CSMD3: variants seen among roughly 807,000 people sequenced by gnomAD.
CSMD3 encodes the protein CUB and sushi domain-containing protein 3.
CSMD3 carries 177 observed loss-of-function variants against 435.2 expected under a neutral mutation model. The observed-to-expected ratio is 0.41, with a 90% CI of 0.36 to 0.46. CSMD3 has a LOEUF of 0.46. CSMD3 is among the 20% of genes least tolerant of loss of function. CSMD3 has a pLI of 0.34. For missense variants in CSMD3, 4,265 were observed against 4,504.6 expected (o/e 0.95, Z 1.52); for synonymous variants, 1,656 against 1,520.5 (o/e 1.09, Z -2.07).
Position 113,173,902 on chromosome 8 carries a change from A to G in CSMD3, c.529T>C (p.Ser177Pro). The part of the protein sequence containing the change: ...KVYYEELQSS[S>P]CGNPGVPPKG... ...GGTGGAACACCAGGATTTCCACAAG[A>G]GCTACTCTGCAATTCTATTAAAAAG... The change falls in exon 4 of 71, where the codon TCT becomes CCT. Residue 177 changes from serine (S) to proline (P), a missense_variant. Ser to Pro is a moderately conservative substitution (Grantham distance 74, BLOSUM62 -1). Around this residue, in one of 3 missense-constraint regions of CSMD3, gnomAD observed 731 missense variants for 755.4 expected, o/e 0.97. Coordinates refer to ENST00000297405, the MANE Select transcript of CSMD3 (RefSeq NM_198123.2). 1 of 1,613,094 alleles carries G rather than the reference A, an allele frequency of 6.2e-7. No homozygotes were observed. Among genetic ancestry groups the G allele is most frequent in the Non-Finnish European group, 8.5e-7 (1 of 1,179,160 alleles).
At chr8:113,042,252 G>T (rs888301169) in intron 5 of CSMD3, among the ~76,000 whole-genome samples, 6 of 152,056 alleles carry the variant, frequency 3.9e-5, no homozygotes, top group Non-Finnish European at 8.8e-5. Flanking sequence ...TAACAGCAGC[G>T]ATCATGGTTA....
intron 6 of CSMD3, among the ~76,000 whole-genome samples, chr8:113,015,260 A>G (rs2086411667): frequency 6.6e-6 from 1 of 152,110 alleles, no homozygotes; most frequent in Non-Finnish European, 1.5e-5. Context: ...TTTTCTTTCA[A>G]TAGAAGATGC....
chr8:112,460,027 T>G (rs761511943), intron 32 of CSMD3, among the ~76,000 whole-genome samples: 21 of 152,142 alleles, frequency 1.4e-4, no homozygotes, highest in Non-Finnish European at 2.5e-4. Context: ...GCCACCAGCC[T>G]GCCTTAGCTG....
intron 31 of CSMD3, among the ~76,000 whole-genome samples, chr8:112,488,133 A>T (rs940786757): frequency 1.3e-5 from 2 of 152,306 alleles, no homozygotes; most frequent in Non-Finnish European, 1.5e-5. Context: ...TACTTCTGAC[A>T]AATATAATCT....
chr8:112,353,585 G>C (rs1826329292), intron 38 of CSMD3, among the ~76,000 whole-genome samples: 1 of 152,038 alleles, frequency 6.6e-6, no homozygotes, highest in African/African-American at 2.4e-5. Context: ...AACCTCCCAA[G>C]ATAGAATTTT....
intron 12 of CSMD3, among the ~76,000 whole-genome samples, chr8:112,812,870 T>C: frequency 6.6e-6 from 1 of 152,216 alleles, no homozygotes; most frequent in Non-Finnish European, 1.5e-5. Flanking sequence ...AAAATATTTT[T>C]CAAGAATTGA....
In CSMD3 at chr8:112,224,178, G is replaced by A. The variant is rs766664318; in HGVS notation, c.*593C>T. 7 of 155,562 alleles carry A rather than the reference G, an allele frequency of 4.5e-5. No individual in the cohort carries two copies. Among genetic ancestry groups the A allele is most frequent in the African/African-American group, 1.4e-4 (6 of 41,436 alleles). 9.6% of individuals were successfully genotyped at this position (155,562 alleles called of 1,614,324 possible). On this transcript the variant is annotated 3_prime_UTR_variant, in exon 71 of 71. Coordinates refer to ENST00000297405, the MANE Select transcript of CSMD3 (RefSeq NM_198123.2). ...CAATATGATGCTAAAGAAATAGAAAGATTCAAATTGGAATGGGAAACCTTA... is the reference window on the plus strand; with the variant it reads ...CAATATGATGCTAAAGAAATAGAAAAATTCAAATTGGAATGGGAAACCTTA...
intron 10 of CSMD3, among the ~76,000 whole-genome samples, chr8:112,875,597 A>G (rs2081260113): frequency 6.6e-6 from 1 of 152,002 alleles, no homozygotes; most frequent in Non-Finnish European, 1.5e-5. Flanking sequence ...TCCCATATTT[A>G]TTGGAGGCTT....
At chr8:112,621,728 A>G (rs1429259586) in intron 22 of CSMD3, among the ~76,000 whole-genome samples, 1 of 151,986 alleles carries the variant, frequency 6.6e-6, no homozygotes, top group Non-Finnish European at 1.5e-5. Flanking sequence ...TGGCTCTTTT[A>G]TATCTCCCAG....
rs200714549 is a variant in CSMD3, at chr8:112,698,142, TATATGTGAAGAAGGTTGAGA to T, written c.1973-8112_1973-8093del. Reference sequence around the variant, plus strand: ...CAGCCGGTAAGGTTGGGAGGTTAAGTATATGTGAAGAAGGTTGAGAATCAGAAATATTGAAGATAAGGGCA... The same window carrying T: ...CAGCCGGTAAGGTTGGGAGGTTAAGTATCAGAAATATTGAAGATAAGGGCA... On this transcript the variant is annotated intron_variant, in intron 13 of 70. Coordinates refer to ENST00000297405, the MANE Select transcript of CSMD3 (RefSeq NM_198123.2). Among the ~76,000 whole-genome samples the T allele has an allele frequency of 3.9e-3, 599 of 151,976 alleles. 14 individuals carry two copies. In the East Asian group the frequency reaches 0.074, roughly 19 times the overall value.
At chr8:113,056,169 C>T (rs2088328729) in intron 5 of CSMD3, among the ~76,000 whole-genome samples, 1 of 152,142 alleles carries the variant, frequency 6.6e-6, no homozygotes, top group Admixed American at 6.5e-5. Flanking sequence ...AAATCCAGAA[C>T]AGAGGAAACA....
rs1215732451 is a variant in CSMD3, at chr8:112,341,665, T to C, written c.6464A>G (p.Asn2155Ser). Residue 2155 changes from asparagine to serine, a missense_variant, in exon 42 of 71, where the codon AAT becomes AGT. By Grantham distance (46) the Asn-to-Ser change is conservative (BLOSUM62 1). Coordinates refer to ENST00000297405, the MANE Select transcript of CSMD3 (RefSeq NM_198123.2). ...IGFGVHLQFVNFSTETIHDYL... is the reference protein window; with the variant it reads ...IGFGVHLQFVSFSTETIHDYL... ...ATCATGTATGGTTTCTGTAGAAAAA[T>C]TTACAAACTGGAGATGTACACCTGA... 6.2e-7 allele frequency: 1 copy of C among 1,608,886 alleles called. No homozygotes were observed. The highest frequency in any genetic ancestry group is 8.5e-7 in the Non-Finnish European group (1 of 1,175,658).
intron 4 of CSMD3, among the ~76,000 whole-genome samples, chr8:113,131,586 G>A (rs1328301416): frequency 2.0e-5 from 3 of 152,116 alleles, no homozygotes; most frequent in Non-Finnish European, 4.4e-5. Context: ...TGTCCAAGCA[G>A]AAGTCTGCTG....
intron 11 of CSMD3, 145 bp downstream of exon 11, chr8:112,859,000 G>T: frequency 3.0e-6 from 2 of 657,750 alleles, no homozygotes; most frequent in Non-Finnish European, 5.2e-6. Flanking sequence ...ATATAAATCT[G>T]GTTTATAAAC....
In CSMD3 at chr8:112,447,147, T is replaced by C. The variant is rs575465037; in HGVS notation, c.5395+25444A>G. Among the ~76,000 whole-genome samples the C allele has an allele frequency of 7.2e-5, 11 of 152,296 alleles. No homozygotes were observed. In the East Asian group the frequency reaches 2.1e-3, roughly 29 times the overall value. On this transcript the variant is annotated intron_variant, in intron 32 of 70. Coordinates refer to ENST00000297405, the MANE Select transcript of CSMD3 (RefSeq NM_198123.2). Reference sequence around the variant, plus strand: ...TGTATTTTTTAGAAATTAAGATAAGTCTAACAAGATAAAAATCTCTTTGAG... The same window carrying C: ...TGTATTTTTTAGAAATTAAGATAAGCCTAACAAGATAAAAATCTCTTTGAG...
intron 3 of CSMD3, among the ~76,000 whole-genome samples, chr8:113,212,680 T>C (rs2092851698): frequency 6.6e-6 from 1 of 151,670 alleles, no homozygotes; most frequent in Admixed American, 6.6e-5. Context: ...TAGGTGGGAA[T>C]TGAACAATGA....
At chr8:112,918,624 T>C (rs571869210) in intron 10 of CSMD3, among the ~76,000 whole-genome samples, 3 of 152,006 alleles carry the variant, frequency 2.0e-5, no homozygotes, top group Admixed American at 2.0e-4. Context: ...CTACTGCATA[T>C]CCAACAAGGG....
At chr8:112,354,549 C>A (rs1241430867) in intron 38 of CSMD3, among the ~76,000 whole-genome samples, 1 of 152,106 alleles carries the variant, frequency 6.6e-6, no homozygotes, top group Non-Finnish European at 1.5e-5. Flanking sequence ...TTTATATACA[C>A]CAACAACATC....
intron 32 of CSMD3, among the ~76,000 whole-genome samples, chr8:112,432,386 T>C (rs1404510960): frequency 6.6e-6 from 1 of 152,098 alleles, no homozygotes; most frequent in Non-Finnish European, 1.5e-5. Flanking sequence ...TCACTGCAGC[T>C]TTGAATGCCA....
Sources: allele counts gnomAD v4.1 joint callset (sites outside exome capture counted in the v4.1 genomes callset), GRCh38; gene constraint gnomAD v4.1.1; regional missense constraint gnomAD v4.1.1; transcripts MANE v1.5; gene names NCBI Gene and HGNC (gene_info 2026-07-23, HGNC 2026-07-21).